The following LEPR variants were observed in gnomAD, a reference collection of about 807,000 sequenced individuals.
LEPR encodes OB receptor.
Under a neutral mutation model 114.7 loss-of-function variants are expected in LEPR, and 56 were observed. That is an observed-to-expected ratio of 0.49 (90% CI 0.39 to 0.61). LEPR has a LOEUF of 0.61. Ranked by LOEUF, LEPR falls within the 20% of genes least tolerant of loss-of-function variation. The pLI is 0.00. For missense variants in LEPR, 1,202 were observed against 1,352.9 expected, an observed-to-expected ratio of 0.89 and a Z score of 1.75; for synonymous variants, 443 against 461.4, an observed-to-expected ratio of 0.96 and a Z score of 0.51.
intron 7 of LEPR, among the ~76,000 whole-genome samples, chr1:65,598,341 T>C (rs1401579027): frequency 6.6e-6 from 1 of 152,052 alleles, no homozygotes; most frequent in Non-Finnish European, 1.5e-5. Flanking sequence ...TAGGTGTCAG[T>C]AGTGGCTTAA....
chr1:65,615,501 A>G (rs1335523961), intron 14 of LEPR, among the ~76,000 whole-genome samples: 2 of 152,154 alleles, frequency 1.3e-5, no homozygotes, highest in Non-Finnish European at 2.9e-5. Flanking sequence ...ATTCTAGATA[A>G]TCTTCCAAGA....
intron 2 of LEPR, among the ~76,000 whole-genome samples, chr1:65,492,803 A>G (rs1333151394): frequency 6.8e-6 from 1 of 147,014 alleles, no homozygotes; most frequent in Non-Finnish European, 1.5e-5. Flanking sequence ...ATATGTTAAA[A>G]TTCATCCATC....
chr1:65,623,159 G>A, intron 19 of LEPR, 178 bp downstream of exon 19: 1 of 658,922 alleles, frequency 1.5e-6, no homozygotes, highest in Non-Finnish European at 2.5e-6. Flanking sequence ...TTGAAATCAG[G>A]AAGAAACAAA....
chr1:65,464,631 T>A (rs1646986805), intron 2 of LEPR, among the ~76,000 whole-genome samples: 1 of 152,334 alleles, frequency 6.6e-6, no homozygotes, highest in East Asian at 1.9e-4. Flanking sequence ...TCTGGTAGAA[T>A]TTGGCTGTGA....
chr1:65,524,018 T>C (rs1241037408), intron 2 of LEPR, among the ~76,000 whole-genome samples: 1 of 152,200 alleles, frequency 6.6e-6, no homozygotes, highest in African/African-American at 2.4e-5. Flanking sequence ...AAAGAATTCC[T>C]GAAGCCACCA....
At chr1:65,448,298 G>C (rs903998969) in intron 2 of LEPR, among the ~76,000 whole-genome samples, 4 of 152,140 alleles carry the variant, frequency 2.6e-5, no homozygotes, top group African/African-American at 7.2e-5. Context: ...TTTTCCTTTA[G>C]CCTGTTGATG....
chr1:65,544,783 T>C (rs1000144644), intron 2 of LEPR, among the ~76,000 whole-genome samples: 30 of 151,606 alleles, frequency 2.0e-4, no homozygotes, highest in African/African-American at 7.3e-4. Flanking sequence ...ACAACATTGA[T>C]AAACTTTATT....
chr1:65,582,327 G>A (rs1051976309), intron 5 of LEPR, among the ~76,000 whole-genome samples: 1 of 152,166 alleles, frequency 6.6e-6, no homozygotes, highest in African/African-American at 2.4e-5. Context: ...CAGCCACCAG[G>A]ACTGCAGTCA....
At chr1:65,431,086 G>T (rs1442549456) in intron 2 of LEPR, among the ~76,000 whole-genome samples, 1 of 152,184 alleles carries the variant, frequency 6.6e-6, no homozygotes. Context: ...ATGCCAGTTT[G>T]ATCTTTGTCT....
chr1:65,572,140 T>G (rs1046254766), intron 4 of LEPR, among the ~76,000 whole-genome samples, 186 bp from the exon 5 acceptor site: 1 of 151,862 alleles, frequency 6.6e-6, no homozygotes, highest in African/African-American at 2.4e-5. Flanking sequence ...CCAGAGGGAC[T>G]AAGTGATGGG....
Position 65,488,714 on chromosome 1 carries a change from TAA to T in LEPR, c.-21+63337_-21+63338del, listed in dbSNP as rs761856418. 3.3e-5 allele frequency among the ~76,000 whole-genome samples: 5 copies of T among 152,168 alleles called. No homozygotes were observed. In the South Asian group the frequency reaches 1.0e-3, roughly 32 times the overall value. ...AATACTAGATCTTATTCATTCTATC[TAA>T]GTTTATTTTTGCACCTATTACTCAT... On this transcript the variant is annotated intron_variant, in intron 2 of 19. Coordinates refer to ENST00000349533, the MANE Select transcript of LEPR (RefSeq NM_002303.6).
At chr1:65,630,141 A>T in intron 19 of LEPR, 1 of 191,168 alleles carries the variant, frequency 5.2e-6, no homozygotes, top group South Asian at 8.3e-5. Context: ...GCTTCTGAGC[A>T]GTCAGATACT....
chr1:65,545,820 C>G (rs920927476), intron 2 of LEPR, among the ~76,000 whole-genome samples: 5 of 151,614 alleles, frequency 3.3e-5, no homozygotes, highest in Non-Finnish European at 7.4e-5. Flanking sequence ...AATGAGATCT[C>G]ATTTGTCAAT....
chr1:65,457,331 A>C (rs763093824), intron 2 of LEPR, among the ~76,000 whole-genome samples: 10 of 152,024 alleles, frequency 6.6e-5, no homozygotes, highest in Non-Finnish European at 1.3e-4. Flanking sequence ...CATATTATGC[A>C]TATGTTTATA....
intron 2 of LEPR, chr1:65,525,579 G>C: frequency 1.0e-6 from 1 of 962,946 alleles, no homozygotes. Context: ...GGGCGCACGC[G>C]GGCGGCCACC....
At chr1:65,579,185 C>A (rs1654807966) in intron 5 of LEPR, among the ~76,000 whole-genome samples, 1 of 152,144 alleles carries the variant, frequency 6.6e-6, no homozygotes, top group Admixed American at 6.5e-5. Context: ...AGCAAGTAGA[C>A]AAATGTCCTT....
chr1:65,425,333 T>C lies in LEPR; in HGVS notation c.-66T>C, dbSNP rs1261609002. On this transcript the variant is annotated 5_prime_UTR_variant, in exon 2 of 20. Transcript: ENST00000349533. ...GTGGCATTATCCTTCAGTGGGGCTATTGGACTGACTTTTCTTATGCTGGGA... is the reference window on the plus strand; with the variant it reads ...GTGGCATTATCCTTCAGTGGGGCTACTGGACTGACTTTTCTTATGCTGGGA... 1.2e-6 allele frequency: 2 copies of C among 1,608,156 alleles called. No individual in the cohort carries two copies. The highest frequency in any genetic ancestry group is 4.5e-5 in the East Asian group (2 of 44,780).
At chr1:65,558,488 C>G (rs896416886) in intron 2 of LEPR, among the ~76,000 whole-genome samples, 2 of 56,212 alleles carry the variant, frequency 3.6e-5, no homozygotes, top group African/African-American at 1.3e-4. Flanking sequence ...AGTCATGAGA[C>G]ATGTTTCTTA....
At chr1:65,539,205 A>G (rs1031962485) in intron 2 of LEPR, among the ~76,000 whole-genome samples, 1 of 149,508 alleles carries the variant, frequency 6.7e-6, no homozygotes, top group African/African-American at 2.5e-5. Flanking sequence ...TGGATCCAAA[A>G]CTTTCTGAAA....
Sources: gnomAD v4.1 joint callset for allele counts (sites outside exome capture counted in the v4.1 genomes callset) on GRCh38, gnomAD v4.1.1 for gene constraint, MANE v1.5 for transcripts, NCBI Gene and HGNC (gene_info 2026-07-23, HGNC 2026-07-21) for gene names.